TNFRSF21: variants seen among roughly 807,000 people sequenced by gnomAD.
TNFRSF21 encodes TNF receptor superfamily member 21, also known as tumor necrosis factor receptor superfamily member 21.
Under a neutral mutation model 45.6 loss-of-function variants are expected in TNFRSF21, and 19 were observed. The observed-to-expected ratio is 0.42, with a 90% confidence interval of 0.29 to 0.61. TNFRSF21 has a LOEUF of 0.61. Ranked by LOEUF, TNFRSF21 falls within the 20% of genes least tolerant of loss-of-function variation. The pLI is 0.23. For missense variants in TNFRSF21, 737 were observed against 851.5 expected (o/e 0.87, Z 1.67); for synonymous variants, 314 against 335.5 (o/e 0.94, Z 0.70).
intron 3 of TNFRSF21, among the ~76,000 whole-genome samples, chr6:47,261,321 C>T (rs1765070626): frequency 6.6e-6 from 1 of 152,194 alleles, no homozygotes; most frequent in South Asian, 2.1e-4. Flanking sequence ...AGGCCAAGCC[C>T]AAGACCACAC....
At chr6:47,247,199 A>T (rs957131043) in intron 4 of TNFRSF21, among the ~76,000 whole-genome samples, 3 of 152,230 alleles carry the variant, frequency 2.0e-5, no homozygotes, top group Admixed American at 6.5e-5. Context: ...TTTAAACACA[A>T]GCATCACTAA....
chr6:47,278,319 T>G (rs1302256314), intron 3 of TNFRSF21, among the ~76,000 whole-genome samples: 1 of 152,154 alleles, frequency 6.6e-6, no homozygotes. Context: ...TTTAAAAGCA[T>G]ATGTAGATTA....
At chr6:47,240,291 C>A (rs749100318) in intron 4 of TNFRSF21, among the ~76,000 whole-genome samples, 2 of 152,186 alleles carry the variant, frequency 1.3e-5, no homozygotes, top group African/African-American at 2.4e-5. Context: ...GAAAATCTCT[C>A]ACTTTAATAA....
At position 47,232,763 on chromosome 6, in the gene TNFRSF21, T is replaced by C. The variant is rs1191251038; in HGVS notation, c.*2A>G. 1 of 1,613,372 alleles carries C rather than the reference T, an allele frequency of 6.2e-7. No individual in the cohort carries two copies. The highest frequency in any genetic ancestry group is 1.7e-5 in the Admixed American group (1 of 60,000). On this transcript the variant is annotated 3_prime_UTR_variant, in exon 6 of 6. Coordinates refer to ENST00000296861, the MANE Select transcript of TNFRSF21 (RefSeq NM_014452.5). ...ATTTCCAGAATGCAGTATCCCTATG[T>C]TCTACAGCAGGTCAGGAAGATGGCT...
chr6:47,261,788 T>C lies in TNFRSF21; in HGVS notation c.1244-8267A>G, dbSNP rs536801563. Among the ~76,000 whole-genome samples, 5 of 152,372 alleles carry C rather than the reference T, an allele frequency of 3.3e-5. No individual in the cohort carries two copies. The East Asian group carries it at 9.6e-4, about 29-fold the overall frequency. ...CTGCTGGGATCAGCTGTCCAAGCTGTGGTCTCTCCAGCCTAATAACAGAGT... is the reference window on the plus strand; with the variant it reads ...CTGCTGGGATCAGCTGTCCAAGCTGCGGTCTCTCCAGCCTAATAACAGAGT... On this transcript the variant is annotated intron_variant, in intron 3 of 5. Coordinates refer to ENST00000296861, the MANE Select transcript of TNFRSF21 (RefSeq NM_014452.5).
Position 47,284,452 on chromosome 6 carries a change from G to C in TNFRSF21, c.749-20C>G. 3.3e-6 allele frequency: 5 copies of C among 1,505,776 alleles called. No individual in the cohort carries two copies. The highest frequency in any genetic ancestry group is 1.8e-4 in the Middle Eastern group (1 of 5,576). 93.3% of individuals were successfully genotyped at this position (1,505,776 alleles called of 1,614,324 possible). A position where few individuals can be genotyped will look rare whatever the true frequency, so the allele number is the denominator to read the frequency against. On this transcript the variant is annotated intron_variant, in intron 2 of 5. Coordinates refer to ENST00000296861, the MANE Select transcript of TNFRSF21 (RefSeq NM_014452.5). ...TCATGCCTAGAAAAAAGAGTAAGGAGGGGGGAAGAGCTTTTCCATATTTGG... is the reference window on the plus strand; with the variant it reads ...TCATGCCTAGAAAAAAGAGTAAGGACGGGGGAAGAGCTTTTCCATATTTGG...
chr6:47,290,625 CCTGTTTAAACTGTTTCATA>C (rs1378946493), intron 1 of TNFRSF21, among the ~76,000 whole-genome samples: 27 of 152,218 alleles, frequency 1.8e-4, no homozygotes, highest in African/African-American at 6.3e-4. Flanking sequence ...AAAACTCGGC[CCTGTTTAAACTGTTTCATA>C]CTGGGTAACC....
intron 1 of TNFRSF21, among the ~76,000 whole-genome samples, chr6:47,296,630 T>C (rs1762793867): frequency 6.6e-6 from 1 of 152,142 alleles, no homozygotes; most frequent in South Asian, 2.1e-4. Context: ...TGGCCAGTGA[T>C]ATAATCAATC....
intron 1 of TNFRSF21, among the ~76,000 whole-genome samples, chr6:47,295,000 T>A (rs964241941): frequency 3.3e-5 from 5 of 152,254 alleles, no homozygotes; most frequent in Non-Finnish European, 7.3e-5. Context: ...AATGGATAAA[T>A]GTGGCAAATA....
intron 4 of TNFRSF21, among the ~76,000 whole-genome samples, chr6:47,238,763 GTAAACA>G: frequency 6.6e-6 from 1 of 152,304 alleles, no homozygotes; most frequent in South Asian, 2.1e-4. Context: ...AATGGATTAG[GTAAACA>G]GACTACTGCT....
intron 1 of TNFRSF21, among the ~76,000 whole-genome samples, chr6:47,288,973 A>C (rs1762684826): frequency 6.6e-6 from 1 of 152,232 alleles, no homozygotes; most frequent in Admixed American, 6.5e-5. Context: ...GCAAGAGGGA[A>C]TCAACAGGCA....
chr6:47,285,998 G>T lies in TNFRSF21; in HGVS notation c.694C>A (p.Arg232Ser), dbSNP rs151242114. Residue 232 changes from arginine (R) to serine (S), a missense_variant, in exon 2 of 6, where the codon CGC (arginine) becomes AGC (serine). Coordinates refer to ENST00000296861, the MANE Select transcript of TNFRSF21 (RefSeq NM_014452.5). ...TCATGGGTTTCCATGTGCTCAGGGC[G>T]TGGAAAGATGGCTGTGCCAGGGGAA... ...SPSPGTAIFP[R>S]PEHMETHEVP... 6.2e-7 allele frequency: 1 copy of T among 1,614,208 alleles called. No homozygotes were observed. Among genetic ancestry groups the T allele is most frequent in the Non-Finnish European group, 8.5e-7 (1 of 1,180,044 alleles).
chr6:47,266,182 A>C (rs527609144), intron 3 of TNFRSF21, among the ~76,000 whole-genome samples: 1 of 152,202 alleles, frequency 6.6e-6, no homozygotes, highest in African/African-American at 2.4e-5. Flanking sequence ...CCCTAGAAAG[A>C]GGGAGAAGTC....
chr6:47,306,323 TTC>T (rs1018479921), intron 1 of TNFRSF21, among the ~76,000 whole-genome samples: 1 of 152,260 alleles, frequency 6.6e-6, no homozygotes, highest in African/African-American at 2.4e-5. Flanking sequence ...CCAGTGAGCC[TTC>T]TCTGTTGTTA....
chr6:47,259,051 A>G (rs1164595977), intron 3 of TNFRSF21, among the ~76,000 whole-genome samples: 4 of 152,264 alleles, frequency 2.6e-5, no homozygotes, highest in African/African-American at 7.2e-5. Context: ...CAAATAGCAT[A>G]AAGATTTAGA....
At chr6:47,304,270 C>T (rs1286053995) in intron 1 of TNFRSF21, among the ~76,000 whole-genome samples, 1 of 144,764 alleles carries the variant, frequency 6.9e-6, no homozygotes, top group African/African-American at 2.6e-5. Flanking sequence ...TGCACCGGAT[C>T]ATTTCGTGTC....
chr6:47,243,188 A>T (rs1764772414), intron 4 of TNFRSF21, among the ~76,000 whole-genome samples: 1 of 152,218 alleles, frequency 6.6e-6, no homozygotes, highest in Admixed American at 6.5e-5. Context: ...CTTTGACCTT[A>T]ACCTCTGACT....
Position 47,309,664 on chromosome 6 carries a change from GAGGGAGGCGGCA to G in TNFRSF21, c.-165_-154del. ...TGTGCACTGCTGCGGCCGGGCAGAG[GAGGGAGGCGGCA>G]AGGGAGGCTCTAGGGGCGCTCAGCA... On this transcript the variant is annotated 5_prime_UTR_variant, in exon 1 of 6. Coordinates refer to ENST00000296861, the MANE Select transcript of TNFRSF21 (RefSeq NM_014452.5). 4.3e-6 allele frequency: 5 copies of G among 1,175,156 alleles called. No individual in the cohort carries two copies. The highest frequency in any genetic ancestry group is 5.5e-6 in the Non-Finnish European group (5 of 906,354). 72.8% of individuals were successfully genotyped at this position (1,175,156 alleles called of 1,614,324 possible). A position where few individuals can be genotyped will look rare whatever the true frequency, so the allele number is the denominator to read the frequency against.
chr6:47,306,949 A>G (rs1762949414), intron 1 of TNFRSF21, among the ~76,000 whole-genome samples: 1 of 152,188 alleles, frequency 6.6e-6, no homozygotes, highest in Admixed American at 6.5e-5. Flanking sequence ...GATGTCCGTT[A>G]TGTTCACATG....
Sources: allele counts gnomAD v4.1 joint callset (sites outside exome capture counted in the v4.1 genomes callset), GRCh38; gene constraint gnomAD v4.1.1; transcripts MANE v1.5; gene names NCBI Gene and HGNC (gene_info 2026-07-23, HGNC 2026-07-21).